Variants in SLC24A2 observed in about 807,000 individuals in gnomAD.
SLC24A2 encodes the protein sodium/potassium/calcium exchanger 2.
Under a neutral mutation model 62.0 loss-of-function variants are expected in SLC24A2, and 36 were observed. That is an observed-to-expected ratio of 0.58 (90% CI 0.44 to 0.77). The LOEUF is 0.77. Ranked by LOEUF, SLC24A2 falls within the 30% of genes least tolerant of loss-of-function variation. The pLI is 0.00. For synonymous variants in SLC24A2, 358 were observed against 294.0 expected (o/e 1.22, Z -2.23); for missense variants, 846 against 817.9 (o/e 1.03, Z -0.42).
the SLC24A2 span, among the ~76,000 whole-genome samples, chr9:20,242,206 G>C: frequency 6.6e-6 from 1 of 152,120 alleles, no homozygotes; most frequent in African/African-American, 2.4e-5. Context: ...CAGTCTACCA[G>C]TCCATAAAAT....
At chr9:19,702,435 A>G (rs1279697551) in intron 2 of SLC24A2, among the ~76,000 whole-genome samples, 1 of 152,214 alleles carries the variant, frequency 6.6e-6, no homozygotes, top group African/African-American at 2.4e-5. Context: ...TGATCTCGAT[A>G]CACTTTGGGG....
At chr9:19,766,369 G>A in intron 2 of SLC24A2, among the ~76,000 whole-genome samples, 1 of 152,228 alleles carries the variant, frequency 6.6e-6, no homozygotes, top group Non-Finnish European at 1.5e-5. Context: ...CTTTGGAGGA[G>A]AAGAGGCATT....
Position 19,550,076 on chromosome 9 carries a change from A to G in SLC24A2, c.1479+61T>C, listed in dbSNP as rs1834768488. ...CTTTTAACACAAACTGAAGCAGACT[A>G]TGCACCCTGTTATGTACCATATGTT... On this transcript the variant is annotated intron_variant, in intron 8 of 10. Coordinates refer to ENST00000341998, the MANE Select transcript of SLC24A2 (RefSeq NM_020344.4). 4 of 1,549,926 alleles carry G rather than the reference A, an allele frequency of 2.6e-6. No homozygotes were observed. In the African/African-American group the frequency reaches 4.1e-5, roughly 16 times the overall value.
the SLC24A2 span, among the ~76,000 whole-genome samples, chr9:19,851,377 T>C: frequency 6.6e-6 from 1 of 152,068 alleles, no homozygotes; most frequent in African/African-American, 2.4e-5. Context: ...GTGCAGGATG[T>C]GCAGGTTTAT....
chr9:19,903,262 G>A, the SLC24A2 span, among the ~76,000 whole-genome samples: 1 of 152,134 alleles, frequency 6.6e-6, no homozygotes, highest in Admixed American at 6.6e-5. Flanking sequence ...GTTGGTGAAG[G>A]CCCTCCTCCT....
At chr9:20,143,622 T>C in the SLC24A2 span, among the ~76,000 whole-genome samples, 15 of 152,344 alleles carry the variant, frequency 9.8e-5, no homozygotes, top group Non-Finnish European at 1.8e-4. Context: ...TGAGTGTTTA[T>C]TGAATGCCAT....
chr9:20,110,404 C>G, the SLC24A2 span, among the ~76,000 whole-genome samples: 2 of 151,958 alleles, frequency 1.3e-5, no homozygotes, highest in East Asian at 1.9e-4. Context: ...ATAATCAAAT[C>G]AACGCCAAAA....
At chr9:19,778,051 T>C (rs1822895526) in intron 2 of SLC24A2, among the ~76,000 whole-genome samples, 3 of 152,180 alleles carry the variant, frequency 2.0e-5, no homozygotes, top group Non-Finnish European at 4.4e-5. Flanking sequence ...TCAGGCTGTA[T>C]TAAACATTGA....
At chr9:19,952,930 A>G in the SLC24A2 span, among the ~76,000 whole-genome samples, 2 of 151,952 alleles carry the variant, frequency 1.3e-5, no homozygotes, top group Non-Finnish European at 2.9e-5. Flanking sequence ...TTATTTTTTA[A>G]AGTAGTATAA....
At chr9:19,939,057 T>C in the SLC24A2 span, among the ~76,000 whole-genome samples, 1 of 152,254 alleles carries the variant, frequency 6.6e-6, no homozygotes, top group Non-Finnish European at 1.5e-5. Flanking sequence ...GTAACTATTA[T>C]GGCAGATCAC....
chr9:20,285,752 T>A, the SLC24A2 span, among the ~76,000 whole-genome samples: 1 of 152,142 alleles, frequency 6.6e-6, no homozygotes, highest in Non-Finnish European at 1.5e-5. Context: ...AACATTACGA[T>A]CATAAGGGTG....
chr9:20,019,226 A>T, the SLC24A2 span, among the ~76,000 whole-genome samples: 1 of 92,020 alleles, frequency 1.1e-5, no homozygotes, highest in East Asian at 1.0e-3. Context: ...AAAGACAGAA[A>T]GAAAGAAAGA....
intron 8 of SLC24A2, among the ~76,000 whole-genome samples, chr9:19,545,439 A>G (rs1346905425): frequency 6.6e-6 from 1 of 152,002 alleles, no homozygotes; most frequent in Non-Finnish European, 1.5e-5. Context: ...TCGAGTCATG[A>G]AACTCATTCT....
the SLC24A2 span, among the ~76,000 whole-genome samples, chr9:19,961,703 A>G: frequency 6.6e-6 from 1 of 152,226 alleles, no homozygotes; most frequent in African/African-American, 2.4e-5. Flanking sequence ...AGTGGAAATG[A>G]CAGTGTATGA....
At chr9:20,196,737 C>G in the SLC24A2 span, among the ~76,000 whole-genome samples, 4 of 152,156 alleles carry the variant, frequency 2.6e-5, no homozygotes, top group Non-Finnish European at 4.4e-5. Flanking sequence ...TTTAAAATAA[C>G]TTTATTTTCC....
At chr9:19,802,802 T>C in the SLC24A2 span, among the ~76,000 whole-genome samples, 2 of 152,240 alleles carry the variant, frequency 1.3e-5, no homozygotes, top group African/African-American at 2.4e-5. Flanking sequence ...GGACATGCTA[T>C]GGTCTGAATG....
chr9:19,677,390 T>C (rs747313604), intron 2 of SLC24A2, among the ~76,000 whole-genome samples: 2 of 152,106 alleles, frequency 1.3e-5, no homozygotes, highest in African/African-American at 2.4e-5. Flanking sequence ...TGAGAACACA[T>C]GGACACAGGG....
At chr9:19,532,427 T>A (rs1300845362) in intron 8 of SLC24A2, among the ~76,000 whole-genome samples, 4 of 152,198 alleles carry the variant, frequency 2.6e-5, no homozygotes, top group African/African-American at 9.6e-5. Flanking sequence ...CTAAATTATT[T>A]GAGGCCGAAT....
chr9:20,248,646 G>A, the SLC24A2 span, among the ~76,000 whole-genome samples: 1 of 152,158 alleles, frequency 6.6e-6, no homozygotes, highest in Non-Finnish European at 1.5e-5. Context: ...TCGCATTGGG[G>A]ATTTAGACTT....
Sources: gnomAD v4.1 joint callset for allele counts (sites outside exome capture counted in the v4.1 genomes callset) on GRCh38, gnomAD v4.1.1 for gene constraint, MANE v1.5 for transcripts, NCBI Gene and HGNC (gene_info 2026-07-23, HGNC 2026-07-21) for gene names.